Variants in CYTH1 observed in about 807,000 individuals in gnomAD.
CYTH1 encodes cytohesin-1.
In CYTH1, 18 loss-of-function variants were observed where a neutral mutation model predicts 61.8. That is an observed-to-expected ratio of 0.29 (90% CI 0.20 to 0.43). The LOEUF is 0.43. Among genes scored for constraint, CYTH1 ranks in the 20% least tolerant of loss-of-function variants. CYTH1 has a pLI of 1.00. For synonymous variants in CYTH1, 174 were observed against 184.3 expected (o/e 0.94, Z 0.45); for missense variants, 336 against 510.5 (o/e 0.66, Z 3.29).
Position 78,692,452 on chromosome 17 carries a change from T to A in CYTH1, c.856A>T (p.Thr286Ser). 1 of 1,614,020 alleles carries A rather than the reference T, an allele frequency of 6.2e-7. No homozygotes were observed. Among genetic ancestry groups the A allele is most frequent in the Non-Finnish European group, 8.5e-7 (1 of 1,179,994 alleles). ...TCAAAGTAGTAAAGGCAGTTGTCAG[T>A]CAGAATGAACCAGCGTCTCTTCCAA... ...KTWKRRWFIL[T>S]DNCLYYFEYT... The change falls in exon 11 of 14, where the codon ACT becomes TCT. Residue 286 changes from threonine to serine, a missense_variant. Physicochemically the swap from Thr to Ser is moderately conservative, Grantham distance 58. Transcript: ENST00000446868.
chr17:78,681,100 A>T, intron 11 of CYTH1, 58 bp from the exon 12 acceptor site: 1 of 1,562,358 alleles, frequency 6.4e-7, no homozygotes, highest in Admixed American at 1.8e-5. Context: ...ACACACTGTC[A>T]GATTCCTCGC....
At chr17:78,753,682 T>C (rs1297619248) in intron 1 of CYTH1, among the ~76,000 whole-genome samples, 6 of 152,158 alleles carry the variant, frequency 3.9e-5, no homozygotes, top group African/African-American at 7.2e-5. Context: ...AGGTACTAAA[T>C]GGACTAAATA....
intron 1 of CYTH1, among the ~76,000 whole-genome samples, chr17:78,771,566 A>AACAAAAAT (rs1191053919): frequency 1.3e-5 from 2 of 151,864 alleles, no homozygotes; most frequent in African/African-American, 4.8e-5. Context: ...CCCTGTCTCT[A>AACAAAAAT]ACAAAAATAC....
chr17:78,674,563 C>G lies in CYTH1; in HGVS notation c.*1528G>C, dbSNP rs2092676399. ...TCCCCCTCTATTCCTCCCACCACTC[C>G]TCTGCAAAAGCTATTTCCAGAGATG... is the stretch of plus-strand genomic sequence containing the variant. On this transcript the variant is annotated 3_prime_UTR_variant, in exon 14 of 14. Coordinates refer to ENST00000446868, the MANE Select transcript of CYTH1 (RefSeq NM_004762.6). The G allele has an allele frequency of 6.6e-6, 1 of 152,176 alleles. No homozygotes were observed. Among genetic ancestry groups the G allele is most frequent in the African/African-American group, 2.4e-5 (1 of 41,478 alleles). The allele number at this position is 152,176 out of a possible 1,614,324, so 9.4% of individuals were successfully genotyped here. A position where few individuals can be genotyped will look rare whatever the true frequency, so the allele number is the denominator to read the frequency against.
In CYTH1 at chr17:78,698,913, G is replaced by A. The variant is rs768742179; in HGVS notation, c.606C>T (p.Asn202=). The A allele has an allele frequency of 1.2e-6, 2 of 1,612,290 alleles. No homozygotes were observed. The highest frequency in any genetic ancestry group is 2.2e-5 in the East Asian group (1 of 44,714). ...CAGTGGGCTTATCTTTGACATTGGG[G>A]TTGTGCAGACTGGTGTTCAACATGA... ...AIIMLNTSLH[N]PNVKDKPTVE... Residue 202 remains asparagine, a synonymous_variant, in exon 8 of 14, where the codon AAC becomes AAT. Coordinates refer to ENST00000446868, the MANE Select transcript of CYTH1 (RefSeq NM_004762.6).
At chr17:78,691,626 G>A (rs968323387) in intron 11 of CYTH1, 3 of 152,132 alleles carry the variant, frequency 2.0e-5, no homozygotes, top group Non-Finnish European at 2.9e-5. Flanking sequence ...ACAAAAGTTC[G>A]ATGCCATGGG....
Position 78,712,096 on chromosome 17 carries a change from AGAAGGAAG to A in CYTH1, c.23-2372_23-2365del, listed in dbSNP as rs532289129. On this transcript the variant is annotated intron_variant, in intron 1 of 13. Transcript: ENST00000446868. The stretch of plus-strand genomic sequence containing the variant: ...AAGAAAGAAAGAAGGAAAGAAGGAA[AGAAGGAAG>A]GAAGGAAGGGAGGAAGGAAGGGAGG... Among the ~76,000 whole-genome samples the A allele has an allele frequency of 2.3e-5, 3 of 128,574 alleles. No individual in the cohort carries two copies. The South Asian group carries it at 1.1e-3, about 46-fold the overall frequency. The allele number at this position is 128,574 out of a possible 152,430, so 84.3% of individuals were successfully genotyped here.
chr17:78,761,904 C>T (rs1015380563), intron 1 of CYTH1, among the ~76,000 whole-genome samples: 1 of 152,124 alleles, frequency 6.6e-6, no homozygotes, highest in Non-Finnish European at 1.5e-5. Context: ...GGTTTTGTAT[C>T]CTTAACATCT....
chr17:78,677,351 A>AG lies in CYTH1; in HGVS notation c.1119-1183dup, dbSNP rs1008045342. The AG allele has an allele frequency of 8.2e-5, 20 of 244,254 alleles. No homozygotes were observed. The Admixed American group carries it at 8.5e-4, about 10-fold the overall frequency. The allele number at this position is 244,254 out of a possible 1,614,324, so 15.1% of individuals were successfully genotyped here. A position where few individuals can be genotyped will look rare whatever the true frequency, so the allele number is the denominator to read the frequency against. Reference sequence around the variant, plus strand: ...TGCAGAGGCAGAGTGTCAGGCGATGAGGGGGGCTGGGCTGCGGTCGGACAC... The same window carrying AG: ...TGCAGAGGCAGAGTGTCAGGCGATGAGGGGGGGCTGGGCTGCGGTCGGACAC... On this transcript the variant is annotated intron_variant, in intron 13 of 13. Coordinates refer to ENST00000446868, the MANE Select transcript of CYTH1 (RefSeq NM_004762.6).
At position 78,709,749 on chromosome 17, in the gene CYTH1, C is replaced by A. The variant is rs201700976; in HGVS notation, c.23-17G>T. 3.7e-5 allele frequency: 60 copies of A among 1,612,538 alleles called. No homozygotes were observed. In the Admixed American group the frequency reaches 1.0e-3, roughly 27 times the overall value. On this transcript the variant is annotated splice_polypyrimidine_tract_variant and intron_variant, in intron 1 of 13. Transcript: ENST00000446868. ...CACTGGGAACTACAAAAATGGAGGG[C>A]AATGTTACAAGAAAGCTTTTATCTC...
chr17:78,682,440 C>T (rs780972930), intron 11 of CYTH1, among the ~76,000 whole-genome samples: 2 of 152,158 alleles, frequency 1.3e-5, no homozygotes, highest in African/African-American at 4.8e-5. Flanking sequence ...CCTTGATACT[C>T]GGTAAACTGC....
At chr17:78,678,806 A>T (rs938495038) in intron 13 of CYTH1, among the ~76,000 whole-genome samples, 4 of 152,208 alleles carry the variant, frequency 2.6e-5, no homozygotes, top group Admixed American at 1.3e-4. Context: ...TTAATCCTCA[A>T]AAGAGCCCCA....
chr17:78,706,059 T>C (rs892034463), intron 3 of CYTH1, among the ~76,000 whole-genome samples: 2 of 152,250 alleles, frequency 1.3e-5, no homozygotes, highest in Non-Finnish European at 2.9e-5. Flanking sequence ...TACTTTTCTG[T>C]ATTTTACCAA....
At position 78,762,149 on chromosome 17, in the gene CYTH1, G is replaced by A. The variant is rs573822834; in HGVS notation, c.22+20053C>T. 1.1e-4 allele frequency among the ~76,000 whole-genome samples: 16 copies of A among 152,218 alleles called. No individual in the cohort carries two copies. The South Asian group carries it at 3.3e-3, about 32-fold the overall frequency. ...GGACATTTCCATTACCTGACAACAGGAAAAATTATCTTTACTCTCAGAGTA... is the reference window on the plus strand; with the variant it reads ...GGACATTTCCATTACCTGACAACAGAAAAAATTATCTTTACTCTCAGAGTA... On this transcript the variant is annotated intron_variant, in intron 1 of 13. Coordinates refer to ENST00000446868, the MANE Select transcript of CYTH1 (RefSeq NM_004762.6).
chr17:78,782,169 A>AG, intron 1 of CYTH1, 33 bp downstream of exon 1: 3 of 1,355,326 alleles, frequency 2.2e-6, no homozygotes, highest in Non-Finnish European at 1.9e-6. Flanking sequence ...GGGGACAGCG[A>AG]GGGGGAAGCG....
Position 78,675,715 on chromosome 17 carries a change from C to T in CYTH1, c.*376G>A, listed in dbSNP as rs548842647. ...CTTAACATATAATAATATATGGACA[C>T]ATGTATTTATGGTGCAGGGTTTGAA... On this transcript the variant is annotated 3_prime_UTR_variant, in exon 14 of 14. Coordinates refer to ENST00000446868, the MANE Select transcript of CYTH1 (RefSeq NM_004762.6). The T allele has an allele frequency of 9.9e-6, 5 of 505,344 alleles. No homozygotes were observed. The highest frequency in any genetic ancestry group is 1.9e-5 in the African/African-American group (1 of 51,300). 31.3% of individuals were successfully genotyped at this position (505,344 alleles called of 1,614,324 possible).
intron 1 of CYTH1, among the ~76,000 whole-genome samples, chr17:78,772,870 C>T (rs1217090258): frequency 2.1e-5 from 3 of 141,254 alleles, no homozygotes; most frequent in Non-Finnish European, 3.1e-5. Context: ...CACTCTGTTG[C>T]CCAGGCAGGA....
intron 1 of CYTH1, among the ~76,000 whole-genome samples, chr17:78,752,499 C>T (rs2093384322): frequency 6.6e-6 from 1 of 152,094 alleles, no homozygotes; most frequent in Non-Finnish European, 1.5e-5. Context: ...GTGGTGTGAT[C>T]TCAGCTCACC....
intron 1 of CYTH1, among the ~76,000 whole-genome samples, chr17:78,726,520 T>C (rs189725775): frequency 2.0e-5 from 3 of 152,246 alleles, no homozygotes; most frequent in Admixed American, 2.0e-4. Context: ...AGCCCGTAAA[T>C]GCCAAATAAA....
Sources: allele counts gnomAD v4.1 joint callset (sites outside exome capture counted in the v4.1 genomes callset), GRCh38; gene constraint gnomAD v4.1.1; transcripts MANE v1.5; gene names NCBI Gene and HGNC (gene_info 2026-07-23, HGNC 2026-07-21).